PIGS: variants seen among roughly 807,000 people sequenced by gnomAD.
The protein encoded by PIGS is phosphatidylinositol glycan anchor biosynthesis class S.
In PIGS, 37 loss-of-function variants were observed where a neutral mutation model predicts 58.2. That is an observed-to-expected ratio of 0.64 (90% confidence interval 0.49 to 0.84). The LOEUF is 0.84. Ranked by LOEUF, PIGS falls within the 40% of genes least tolerant of loss-of-function variation. The pLI is 0.00. For missense variants in PIGS, 629 were observed against 710.8 expected (o/e 0.88, Z 1.31); for synonymous variants, 269 against 289.2 (o/e 0.93, Z 0.71).
At chr17:28,556,055 G>A (rs934065155) in intron 10 of PIGS, 111 bp downstream of exon 10, 22 of 964,002 alleles carry the variant, frequency 2.3e-5, no homozygotes, top group Non-Finnish European at 3.1e-5. Context: ...GTTTCCCTGG[G>A]GCTCTAGGCA....
At chr17:28,571,385 C>G (rs1401870881) in intron 1 of PIGS, 78 bp downstream of exon 1, 2 of 1,572,134 alleles carry the variant, frequency 1.3e-6, no homozygotes, top group Non-Finnish European at 1.7e-6. Flanking sequence ...GGACCTCTCG[C>G]ACACCACAAT....
At chr17:28,564,006 T>C (rs2070380849) in intron 3 of PIGS, 99 bp from the exon 4 acceptor site, 1 of 1,030,070 alleles carries the variant, frequency 9.7e-7, no homozygotes, top group Non-Finnish European at 1.5e-6. Flanking sequence ...GACAGCAAGA[T>C]GGCTGTTTAC....
At chr17:28,561,202 G>A (rs923939719) in intron 6 of PIGS, among the ~76,000 whole-genome samples, 2 of 152,172 alleles carry the variant, frequency 1.3e-5, no homozygotes, top group East Asian at 3.9e-4. Flanking sequence ...AGCTTGCAGT[G>A]AGCCGAGATA....
intron 7 of PIGS, 66 bp from the exon 8 acceptor site, chr17:28,558,656 T>G: frequency 2.3e-6 from 3 of 1,296,834 alleles, no homozygotes; most frequent in Non-Finnish European, 3.3e-6. Flanking sequence ...CAAAAAAGAT[T>G]TGAGGTGCCT....
chr17:28,563,460 T>C lies in PIGS; in HGVS notation c.439A>G (p.Ile147Val), dbSNP rs2070376439. ...GGAAGAAGTGAGGAGTGTTCAGATA[T>C]CACGTACACAGTCAGGGAGCCCTCC... ...QAEGSLTVYV[I>V]SEHSSLLPQD... is the part of the protein sequence containing the mutation. The change falls in exon 5 of 12, where the codon ATA becomes GTA. Residue 147 changes from isoleucine to valine, a missense_variant. Ile to Val is a conservative substitution (Grantham distance 29, BLOSUM62 3). Transcript: ENST00000308360. The C allele has an allele frequency of 1.9e-6, 3 of 1,613,926 alleles. No individual in the cohort carries two copies. Among genetic ancestry groups the C allele is most frequent in the African/African-American group, 2.7e-5 (2 of 74,886 alleles).
chr17:28,565,858 C>T (rs147629816), intron 3 of PIGS, among the ~76,000 whole-genome samples: 3 of 152,028 alleles, frequency 2.0e-5, no homozygotes, highest in African/African-American at 4.8e-5. Context: ...GGTGAAACCC[C>T]GTTTCTACTA....
At chr17:28,558,437 C>A in intron 8 of PIGS, 39 bp downstream of exon 8, 1 of 1,521,448 alleles carries the variant, frequency 6.6e-7, no homozygotes, top group Non-Finnish European at 9.0e-7. Context: ...CCCTCCCTAG[C>A]CTGGCAGAAA....
rs553216635 is a variant in PIGS at position 28,566,251 on chromosome 17, C to G, written c.287-2344G>C. Among the ~76,000 whole-genome samples the G allele has an allele frequency of 4.2e-3, 625 of 147,688 alleles. 4 individuals are homozygous for G. The highest frequency in any genetic ancestry group is 0.015 in the African/African-American group (602 of 40,192). Reference sequence around the variant, plus strand: ...CAAAAAAAAAAAAAAAAAAAGGACCCCTTGTCTACTTTTTCTTTTCTTTTT... The same window carrying G: ...CAAAAAAAAAAAAAAAAAAAGGACCGCTTGTCTACTTTTTCTTTTCTTTTT... On this transcript the variant is annotated intron_variant, in intron 3 of 11. Coordinates refer to ENST00000308360, the MANE Select transcript of PIGS (RefSeq NM_033198.4).
At chr17:28,562,221 C>T (rs2070368468) in intron 5 of PIGS, among the ~76,000 whole-genome samples, 1 of 152,118 alleles carries the variant, frequency 6.6e-6, no homozygotes, top group Non-Finnish European at 1.5e-5. Context: ...AAATTAAATA[C>T]ATTGTTTACA....
chr17:28,560,392 C>A, intron 6 of PIGS: 1 of 576,440 alleles, frequency 1.7e-6, no homozygotes, highest in South Asian at 2.3e-5. Context: ...GTCTGTAATC[C>A]CAGCACTTTG....
Position 28,553,721 on chromosome 17 carries a change from C to T in PIGS, c.*499G>A, listed in dbSNP as rs139038565. The stretch of plus-strand genomic sequence containing the variant: ...TGCCTCCTGGACTCCCGCCAGACTG[C>T]ACCTGACAGACAAAGCCAACTAGGA... On this transcript the variant is annotated 3_prime_UTR_variant, in exon 12 of 12. Transcript: ENST00000308360. The T allele has an allele frequency of 1.8e-3, 326 of 177,832 alleles. No individual in the cohort carries two copies. Among genetic ancestry groups the T allele is most frequent in the African/African-American group, 7.7e-3 (322 of 41,780 alleles). 11.0% of individuals were successfully genotyped at this position (177,832 alleles called of 1,614,324 possible).
At chr17:28,556,581 A>C in intron 9 of PIGS, 1 of 707,870 alleles carries the variant, frequency 1.4e-6, no homozygotes. Context: ...GCGAAGATCT[A>C]AGATGGACAC....
At position 28,563,823 on chromosome 17, in the gene PIGS, A is replaced by G. The variant is rs1326045626; in HGVS notation, c.371T>C (p.Val124Ala). The change falls in exon 4 of 12, where the codon GTG becomes GCG. Residue 124 changes from valine to alanine, a missense_variant. Transcript: ENST00000308360. ...GTGCTCATCCCTTCCCATACCTTGC[A>G]CACTGCCCGATGACAGGGCCTCCTC... ...HEEEALSSGS[V>A]QEAEAMLDEP... 1.2e-6 allele frequency: 2 copies of G among 1,613,092 alleles called. No homozygotes were observed. The highest frequency in any genetic ancestry group is 1.7e-6 in the Non-Finnish European group (2 of 1,179,062).
At chr17:28,554,699 G>T in intron 11 of PIGS, 152 bp downstream of exon 11, 1 of 1,197,620 alleles carries the variant, frequency 8.3e-7, no homozygotes, top group Non-Finnish European at 1.2e-6. Flanking sequence ...CCTGCTTGGG[G>T]GCTGGTACTG....
intron 3 of PIGS, among the ~76,000 whole-genome samples, chr17:28,568,785 C>T (rs2070408525): frequency 6.6e-6 from 1 of 152,132 alleles, no homozygotes; most frequent in Non-Finnish European, 1.5e-5. Context: ...GAGGGATAGT[C>T]CAATTTTTGT....
intron 3 of PIGS, among the ~76,000 whole-genome samples, chr17:28,564,775 A>C (rs1251285058): frequency 1.3e-5 from 2 of 151,364 alleles, no homozygotes; most frequent in African/African-American, 2.4e-5. Flanking sequence ...ACTACTTGGG[A>C]GGTTGAGGTG....
chr17:28,563,709 T>C (rs1165919758), intron 4 of PIGS, 109 bp downstream of exon 4: 2 of 1,327,338 alleles, frequency 1.5e-6, no homozygotes, highest in Non-Finnish European at 2.1e-6. Flanking sequence ...ATTCCCAGCA[T>C]TCCAAGAGAG....
intron 3 of PIGS, among the ~76,000 whole-genome samples, chr17:28,565,674 A>G (rs893013625): frequency 5.3e-5 from 8 of 152,264 alleles, no homozygotes; most frequent in African/African-American, 1.9e-4. Context: ...AGATTGCTTA[A>G]GCCTAGGAGT....
chr17:28,555,119 G>A, intron 10 of PIGS, 58 bp from the exon 11 acceptor site: 2 of 1,443,156 alleles, frequency 1.4e-6, no homozygotes, highest in East Asian at 2.4e-5. Context: ...GGAGATCATG[G>A]CTAAGATTTC....
Sources: allele counts gnomAD v4.1 joint callset (sites outside exome capture counted in the v4.1 genomes callset), GRCh38; gene constraint gnomAD v4.1.1; transcripts MANE v1.5; gene names NCBI Gene and HGNC (gene_info 2026-07-23, HGNC 2026-07-21).